NDST3: variants seen among roughly 807,000 people sequenced by gnomAD.
NDST3 encodes N-deacetylase and N-sulfotransferase 3, also known as bifunctional heparan sulfate N-deacetylase/N-sulfotransferase 3.
Under a neutral mutation model 96.1 loss-of-function variants are expected in NDST3, and 58 were observed. The observed-to-expected ratio is 0.60, with a 90% confidence interval of 0.49 to 0.75. The LOEUF is 0.75. NDST3 is among the 30% of genes least tolerant of loss of function. The pLI is 0.00. For missense variants in NDST3, 788 were observed against 1,034.2 expected, an observed-to-expected ratio of 0.76 and a Z score of 3.27; for synonymous variants, 333 against 359.7, an observed-to-expected ratio of 0.93 and a Z score of 0.84.
At position 118,055,145 on chromosome 4, in the gene NDST3, C is replaced by A. The variant is rs551132807; in HGVS notation, c.981+254C>A. On this transcript the variant is annotated intron_variant, in intron 2 of 13. Coordinates refer to ENST00000296499, the MANE Select transcript of NDST3 (RefSeq NM_004784.3). ...AATGGTTTTCTACATGTATTTACAA[C>A]TAGAGTAGAAGTCATTTCGTTTAAT... is the stretch of plus-strand genomic sequence containing the variant. The A allele has an allele frequency of 6.0e-4, 303 of 505,862 alleles. 1 individual carries two copies. Among genetic ancestry groups the A allele is most frequent in the African/African-American group, 5.3e-3 (275 of 51,868 alleles). The allele number at this position is 505,862 out of a possible 1,614,324, so 31.3% of individuals were successfully genotyped here. A position where few individuals can be genotyped will look rare whatever the true frequency, so the allele number is the denominator to read the frequency against.
At chr4:118,042,719 C>T (rs1724537976) in intron 1 of NDST3, among the ~76,000 whole-genome samples, 1 of 152,202 alleles carries the variant, frequency 6.6e-6, no homozygotes, top group Non-Finnish European at 1.5e-5. Context: ...CACATTGTAA[C>T]CATTTCATTT....
intron 2 of NDST3, among the ~76,000 whole-genome samples, chr4:118,069,921 C>CAAATTAAGT (rs1429259159): frequency 6.6e-6 from 1 of 151,884 alleles, no homozygotes; most frequent in Admixed American, 6.6e-5. Context: ...TTAATTATTA[C>CAAATTAAGT]AAATTAAGTT....
chr4:118,211,330 C>A (rs754648603), intron 6 of NDST3, among the ~76,000 whole-genome samples: 1 of 151,942 alleles, frequency 6.6e-6, no homozygotes, highest in African/African-American at 2.4e-5. Context: ...TAATAATATC[C>A]CATGAATCCT....
At chr4:118,084,955 C>T (rs1243658863) in intron 2 of NDST3, among the ~76,000 whole-genome samples, 2 of 152,068 alleles carry the variant, frequency 1.3e-5, no homozygotes, top group African/African-American at 4.8e-5. Context: ...CCCGTCTCTA[C>T]TAAAAATACA....
Position 118,208,257 on chromosome 4 carries a change from G to A in NDST3, c.1540-16234G>A, listed in dbSNP as rs1231514103. 2.8e-5 allele frequency among the ~76,000 whole-genome samples: 4 copies of A among 144,018 alleles called. 1 individual carries two copies. The highest frequency in any genetic ancestry group is 7.7e-5 in the African/African-American group (3 of 38,932). The allele number at this position is 144,018 out of a possible 152,430, so 94.5% of individuals were successfully genotyped here. On this transcript the variant is annotated intron_variant, in intron 6 of 13. Transcript: ENST00000296499. ...TTCTCACCTTTTATCCCCAGAGTTAGAAACTTCTATCAGGGTATTATTCTC... is the reference window on the plus strand; with the variant it reads ...TTCTCACCTTTTATCCCCAGAGTTAAAAACTTCTATCAGGGTATTATTCTC...
At chr4:118,186,844 A>T (rs1209895595) in intron 6 of NDST3, among the ~76,000 whole-genome samples, 2 of 152,196 alleles carry the variant, frequency 1.3e-5, no homozygotes, top group Non-Finnish European at 2.9e-5. Flanking sequence ...CATCATTCAT[A>T]AGTCATCATG....
intron 6 of NDST3, among the ~76,000 whole-genome samples, chr4:118,179,082 A>G (rs1474497660): frequency 6.6e-6 from 1 of 152,034 alleles, no homozygotes. Context: ...AATAGGCAAT[A>G]AACCTGTCTG....
chr4:118,076,456 C>T (rs1384169446), intron 2 of NDST3, among the ~76,000 whole-genome samples: 3 of 39,380 alleles, frequency 7.6e-5, no homozygotes, highest in Non-Finnish European at 4.2e-4. Flanking sequence ...GGTCTCTTTA[C>T]ATAATCCCAT....
Position 118,224,508 on chromosome 4 carries a change from C to A in NDST3, c.1557C>A (p.Thr519=). ...TTTTTCAGATCAGCATTTTCATGAC[C>A]CATTTGTCCAACTATGGGAATGACC... ...VVLNPISIFM[T]HLSNYGNDRL... is the part of the protein sequence containing the mutation. The change falls in exon 7 of 14, where the codon ACC becomes ACA. Residue 519 remains threonine (T), a synonymous_variant. Transcript: ENST00000296499. 6.2e-7 allele frequency: 1 copy of A among 1,603,522 alleles called. No individual in the cohort carries two copies. The highest frequency in any genetic ancestry group is 2.2e-5 in the East Asian group (1 of 44,644).
chr4:118,140,721 G>A (rs1461278041), intron 5 of NDST3, among the ~76,000 whole-genome samples: 1 of 152,222 alleles, frequency 6.6e-6, no homozygotes, highest in Non-Finnish European at 1.5e-5. Flanking sequence ...CAACAGGAAG[G>A]AGAAGTGCAG....
chr4:118,253,640 A>C, intron 13 of NDST3, 39 bp downstream of exon 13: 1 of 1,312,932 alleles, frequency 7.6e-7, no homozygotes, highest in Non-Finnish European at 1.1e-6. Context: ...AAATCAGCAA[A>C]ATGGTAACCA....
intron 2 of NDST3, among the ~76,000 whole-genome samples, chr4:118,072,538 T>C (rs1379662615): frequency 2.0e-5 from 3 of 152,262 alleles, no homozygotes; most frequent in East Asian, 1.9e-4. Flanking sequence ...TTTGATGTTG[T>C]TGGTGTACAG....
chr4:118,183,492 G>C (rs1198804334), intron 6 of NDST3, among the ~76,000 whole-genome samples: 1 of 152,028 alleles, frequency 6.6e-6, no homozygotes. Flanking sequence ...AAGCTATCTA[G>C]GGCCCCACCA....
chr4:118,119,415 A>C (rs1028634673), intron 4 of NDST3, among the ~76,000 whole-genome samples: 1 of 152,212 alleles, frequency 6.6e-6, no homozygotes, highest in Non-Finnish European at 1.5e-5. Flanking sequence ...TGCACTTTAT[A>C]AAAAGGCATA....
At chr4:118,143,171 T>C (rs1308071112) in intron 5 of NDST3, among the ~76,000 whole-genome samples, 1 of 152,220 alleles carries the variant, frequency 6.6e-6, no homozygotes, top group Non-Finnish European at 1.5e-5. Flanking sequence ...CTTAAAATTA[T>C]TGCCTATTAA....
chr4:118,072,698 C>T (rs1727184673), intron 2 of NDST3, among the ~76,000 whole-genome samples: 1 of 152,006 alleles, frequency 6.6e-6, no homozygotes, highest in South Asian at 2.1e-4. Context: ...TTTCTCTCTT[C>T]GTATTTGGAT....
rs752994587 is a variant in NDST3, at chr4:118,054,103, G to A, written c.193G>A (p.Val65Met). Residue 65 changes from valine to methionine, a missense_variant, in exon 2 of 14, where the codon GTG becomes ATG. Coordinates refer to ENST00000296499, the MANE Select transcript of NDST3 (RefSeq NM_004784.3). ...ACACCTACCATATCAACTAATGGAAGTGAAAGCAATGAAGCTTTTTGATGC... is the reference window on the plus strand; with the variant it reads ...ACACCTACCATATCAACTAATGGAAATGAAAGCAATGAAGCTTTTTGATGC... ...LQHLPYQLME[V>M]KAMKLFDASR... 1 of 1,612,942 alleles carries A rather than the reference G, an allele frequency of 6.2e-7. No individual in the cohort carries two copies. The highest frequency in any genetic ancestry group is 1.1e-5 in the South Asian group (1 of 91,038).
intron 6 of NDST3, among the ~76,000 whole-genome samples, chr4:118,201,687 C>T (rs1738097543): frequency 6.6e-6 from 1 of 152,116 alleles, no homozygotes; most frequent in Non-Finnish European, 1.5e-5. Context: ...GGATACTAGG[C>T]CATTGTTGGA....
In NDST3 at chr4:118,258,092, A is replaced by G. The variant is rs2126020050; in HGVS notation, c.*2380A>G. The G allele has an allele frequency of 6.6e-6, 1 of 152,358 alleles. No individual in the cohort carries two copies. Among genetic ancestry groups the G allele is most frequent in the South Asian group, 2.1e-4 (1 of 4,830 alleles). The allele number at this position is 152,358 out of a possible 1,614,324, so 9.4% of individuals were successfully genotyped here. A position where few individuals can be genotyped will look rare whatever the true frequency, so the allele number is the denominator to read the frequency against. The stretch of plus-strand genomic sequence containing the variant: ...AAGCTGCTAATGGCCTATTTTGTTT[A>G]GGTAAATCGAGTTGACTGAACACTT... On this transcript the variant is annotated 3_prime_UTR_variant, in exon 14 of 14. Transcript: ENST00000296499.
Sources: allele counts gnomAD v4.1 joint callset (sites outside exome capture counted in the v4.1 genomes callset), GRCh38; gene constraint gnomAD v4.1.1; transcripts MANE v1.5; gene names NCBI Gene and HGNC (gene_info 2026-07-23, HGNC 2026-07-21).